Variants in PRPS2 observed in about 807,000 individuals in gnomAD.
PRPS2 encodes ribose-phosphate pyrophosphokinase 2.
For missense variants in PRPS2, 104 were observed against 271.5 expected (o/e 0.38, Z 4.34); for synonymous variants, 111 against 115.3 (o/e 0.96, Z 0.24).
intron 1 of PRPS2, among the ~76,000 whole-genome samples, chrX:12,792,988 T>C (rs956168370): frequency 1.8e-5 from 2 of 111,942 alleles, no homozygotes; most frequent in African/African-American, 6.5e-5. Context: ...GAAGAAACAT[T>C]GTGAATGAGT....
rs759522022 is a variant in PRPS2, at chrX:12,794,175, C to T, written c.122+2556C>T. 2.7e-5 allele frequency among the ~76,000 whole-genome samples: 3 copies of T among 112,628 alleles called. No homozygotes were observed. The East Asian group carries it at 8.3e-4, about 31-fold the overall frequency. ...CAGTGAAGAAAGCTTGTTTTTGCCG[C>T]GTATGGTCACAGCTGAGGCTGGTCA... On this transcript the variant is annotated intron_variant, in intron 1 of 6. Transcript: ENST00000380668.
intron 2 of PRPS2, among the ~76,000 whole-genome samples, chrX:12,803,013 G>A (rs1286468544): frequency 8.9e-6 from 1 of 112,297 alleles, no homozygotes; most frequent in Non-Finnish European, 1.9e-5. Flanking sequence ...ACGGTGGGGT[G>A]TATTCGTTTC....
chrX:12,821,412 T>G (rs6639222), intron 6 of PRPS2, among the ~76,000 whole-genome samples: 19,987 of 98,507 alleles, frequency 0.2, 2,072 homozygotes, highest in African/African-American at 0.36. Flanking sequence ...GGAAAATTCA[T>G]AGAGACAAAG....
At chrX:12,810,571 T>G (rs769055239) in intron 4 of PRPS2, among the ~76,000 whole-genome samples, 1 of 111,584 alleles carries the variant, frequency 9.0e-6, no homozygotes, top group Non-Finnish European at 1.9e-5. Flanking sequence ...AGGAAATATC[T>G]GAGACCAAGA....
chrX:12,808,349 T>G (rs1405553981), intron 2 of PRPS2, among the ~76,000 whole-genome samples: 2 of 109,441 alleles, frequency 1.8e-5, no homozygotes, highest in African/African-American at 6.6e-5. Flanking sequence ...TTGAATGAAA[T>G]CTTTTTTTAA....
Position 12,822,938 on chromosome X carries a change from G to T in PRPS2, c.*142G>T. ...ATCTTTGTATATGCTAAGATTTATT[G>T]TTTCCCCTTCTAAAGCTCAAGATCA... On this transcript the variant is annotated 3_prime_UTR_variant, in exon 7 of 7. Transcript: ENST00000380668. 2.1e-6 allele frequency: 1 copy of T among 465,200 alleles called. No homozygotes were observed. Among genetic ancestry groups the T allele is most frequent in the Non-Finnish European group, 3.7e-6 (1 of 271,905 alleles). The allele number at this position is 465,200 out of a possible 1,213,427, so 38.3% of individuals were successfully genotyped here.
rs971716632 is a variant in PRPS2, at chrX:12,799,499, T to G, written c.306+109T>G. The G allele has an allele frequency of 3.7e-5, 32 of 863,977 alleles. No homozygotes were observed. In the East Asian group the frequency reaches 1.0e-3, roughly 28 times the overall value. 71.2% of individuals were successfully genotyped at this position (863,977 alleles called of 1,213,427 possible). A position where few individuals can be genotyped will look rare whatever the true frequency, so the allele number is the denominator to read the frequency against. ...TCTGGAAAATGTTGGCTTTTTCCTT[T>G]GATGATCAAGTAAATATGCTTTCTT... On this transcript the variant is annotated intron_variant, in intron 2 of 6. Coordinates refer to ENST00000380668, the MANE Select transcript of PRPS2 (RefSeq NM_002765.5).
intron 4 of PRPS2, among the ~76,000 whole-genome samples, chrX:12,817,123 A>G (rs1470002857): frequency 1.8e-5 from 2 of 110,660 alleles, no homozygotes; most frequent in East Asian, 5.6e-4. Context: ...CCAACAAATC[A>G]TCAGGAAACA....
chrX:12,818,942 A>G (rs988399290), intron 4 of PRPS2, among the ~76,000 whole-genome samples: 2 of 110,618 alleles, frequency 1.8e-5, no homozygotes, highest in African/African-American at 6.6e-5. Context: ...CCATCCTTCT[A>G]CCTGCGACTC....
At chrX:12,804,983 C>CT (rs1292407038) in intron 2 of PRPS2, among the ~76,000 whole-genome samples, 1 of 111,793 alleles carries the variant, frequency 8.9e-6, no homozygotes, top group East Asian at 2.8e-4. Context: ...AATCTGGAAG[C>CT]TTTTAACCAG....
intron 2 of PRPS2, among the ~76,000 whole-genome samples, chrX:12,799,686 A>T (rs1196818225): frequency 8.9e-6 from 1 of 112,135 alleles, no homozygotes; most frequent in African/African-American, 3.2e-5. Flanking sequence ...ATACACACAC[A>T]TACATGCACA....
chrX:12,795,138 C>G (rs1443434963), intron 1 of PRPS2, among the ~76,000 whole-genome samples: 2 of 111,476 alleles, frequency 1.8e-5, no homozygotes, highest in Non-Finnish European at 3.8e-5. Context: ...TGCTGTCTCC[C>G]TCTTGCATTT....
intron 3 of PRPS2, 113 bp from the exon 4 acceptor site, chrX:12,809,909 C>T (rs1569096467): frequency 9.8e-7 from 1 of 1,016,869 alleles, no homozygotes; most frequent in Non-Finnish European, 1.3e-6. Flanking sequence ...ATAAAAGCTT[C>T]TTTTGAACAA....
At chrX:12,791,782 T>C (rs1210304781) in intron 1 of PRPS2, among the ~76,000 whole-genome samples, 163 bp downstream of exon 1, 2 of 110,377 alleles carry the variant, frequency 1.8e-5, no homozygotes, top group Non-Finnish European at 3.8e-5. Flanking sequence ...CGCCCGCGCC[T>C]GCGAAGAAAC....
chrX:12,799,096 G>A, intron 1 of PRPS2, 111 bp from the exon 2 acceptor site: 1 of 709,887 alleles, frequency 1.4e-6, no homozygotes, highest in South Asian at 2.8e-5. Flanking sequence ...GCAACTATTA[G>A]GCTGAGTCCT....
At chrX:12,812,737 T>A (rs1337343656) in intron 4 of PRPS2, among the ~76,000 whole-genome samples, 1 of 112,392 alleles carries the variant, frequency 8.9e-6, no homozygotes, top group African/African-American at 3.2e-5. Context: ...ACCATCACTA[T>A]CTAATTCCAG....
At chrX:12,803,840 T>C (rs889455666) in intron 2 of PRPS2, among the ~76,000 whole-genome samples, 8 of 112,005 alleles carry the variant, frequency 7.1e-5, no homozygotes, top group African/African-American at 2.6e-4. Context: ...CTTTGAGCTT[T>C]GAGATAGTAC....
rs185538020 is a variant in PRPS2, at chrX:12,809,507, C to T, written c.405+175C>T. 1.5e-4 allele frequency among the ~76,000 whole-genome samples: 17 copies of T among 111,673 alleles called. No homozygotes were observed. In the East Asian group the frequency reaches 3.6e-3, roughly 24 times the overall value. ...TTCCAGTCTCTATCACCACCTTGCC[C>T]CCCAGTCAATTTTGGAGGAGTGGGG... On this transcript the variant is annotated intron_variant, in intron 3 of 6. Coordinates refer to ENST00000380668, the MANE Select transcript of PRPS2 (RefSeq NM_002765.5).
At chrX:12,816,365 G>T (rs769540288) in intron 4 of PRPS2, among the ~76,000 whole-genome samples, 3 of 111,251 alleles carry the variant, frequency 2.7e-5, no homozygotes, top group Admixed American at 9.5e-5. Context: ...GTAGTGGCGC[G>T]ATCACAGCTC....
Sources: gnomAD v4.1 joint callset for allele counts (sites outside exome capture counted in the v4.1 genomes callset) on GRCh38, gnomAD v4.1.1 for gene constraint, MANE v1.5 for transcripts, NCBI Gene and HGNC (gene_info 2026-07-23, HGNC 2026-07-21) for gene names.